The following CUL7 variants were observed in gnomAD, a reference collection of about 807,000 sequenced individuals.
The protein encoded by CUL7 is cullin-7.
In CUL7, 96 loss-of-function variants were observed where a neutral mutation model predicts 177.7. The observed-to-expected ratio is 0.54, with a 90% CI of 0.46 to 0.64. CUL7 has a LOEUF of 0.64. Among genes scored for constraint, CUL7 ranks in the 30% least tolerant of loss-of-function variants. The pLI, the probability that CUL7 is intolerant of heterozygous loss-of-function variation, is 0.00. For synonymous variants in CUL7, 824 were observed against 890.2 expected (o/e 0.93, Z 1.32); for missense variants, 1,893 against 2,187.9 (o/e 0.87, Z 2.69).
chr6:43,052,885 G>A lies in CUL7; in HGVS notation c.-8-89C>T. On this transcript the variant is annotated intron_variant, in intron 1 of 25. Transcript: ENST00000265348. The surrounding 1 kb of genome is among the most constrained non-coding windows in gnomAD (Gnocchi z 4.5). ...TATCCAGGAGGTGGGGAAGCAAATG[G>A]CAACAGCTGTCAGGCGGGGTGGGGT... The A allele has an allele frequency of 7.3e-7, 1 of 1,378,698 alleles. No homozygotes were observed. Among genetic ancestry groups the A allele is most frequent in the South Asian group, 1.2e-5 (1 of 80,978 alleles). 85.4% of individuals were successfully genotyped at this position (1,378,698 alleles called of 1,614,324 possible). A position where few individuals can be genotyped will look rare whatever the true frequency, so the allele number is the denominator to read the frequency against.
chr6:43,052,802 G>A lies in CUL7; in HGVS notation c.-8-6C>T. 1 of 1,601,252 alleles carries A rather than the reference G, an allele frequency of 6.2e-7. No homozygotes were observed. Among genetic ancestry groups the A allele is most frequent in the Non-Finnish European group, 8.5e-7 (1 of 1,179,628 alleles). On this transcript the variant is annotated splice_polypyrimidine_tract_variant and splice_region_variant and intron_variant, in intron 1 of 25. Transcript: ENST00000265348. This position sits in a 1 kb window ranked among gnomAD's most constrained non-coding sequence, Gnocchi z 4.5. ...TTCTCCCACCATCCTGGCACCTGGA[G>A]CACACAAGGAAAAGAGAACAGACAA...
chr6:43,043,431 G>A lies in CUL7; in HGVS notation c.3355+17C>T. 1.2e-6 allele frequency: 2 copies of A among 1,612,868 alleles called. No homozygotes were observed. Among genetic ancestry groups the A allele is most frequent in the South Asian group, 2.2e-5 (2 of 91,016 alleles). ...CGCTCCTGACTAGAGCTCCCCACCTGAATCTCCACTACTCACTGGGCCGAG... is the reference window on the plus strand; with the variant it reads ...CGCTCCTGACTAGAGCTCCCCACCTAAATCTCCACTACTCACTGGGCCGAG... On this transcript the variant is annotated intron_variant, in intron 17 of 25. Coordinates refer to ENST00000265348, the MANE Select transcript of CUL7 (RefSeq NM_014780.5). The surrounding 1 kb of genome is among the most constrained non-coding windows in gnomAD (Gnocchi z 4.2).
intron 22 of CUL7, among the ~76,000 whole-genome samples, chr6:43,039,735 CTTTTT>C (rs763879172): frequency 0.011 from 1,067 of 94,836 alleles, 2 homozygotes; most frequent in Middle Eastern, 0.027. Flanking sequence ...AAGACCAACT[CTTTTT>C]TTTTTTTTTT....
At position 43,050,313 on chromosome 6, in the gene CUL7, A is replaced by G; in HGVS notation, c.1319T>C (p.Met440Thr). ...CCCTTGGTACTCATCAGCCTCAACCATGTCCTCAATGTCTTCCTCAAAGCC... is the reference window on the plus strand; with the variant it reads ...CCCTTGGTACTCATCAGCCTCAACCGTGTCCTCAATGTCTTCCTCAAAGCC... ...ILGFEEDIED[M>T]VEADEYQGAV... is the part of the protein sequence containing the mutation. The change falls in exon 5 of 26, where the codon ATG becomes ACG. Residue 440 changes from methionine (M) to threonine (T), a missense_variant. By Grantham distance (81) the Met-to-Thr change is moderately conservative. Coordinates refer to ENST00000265348, the MANE Select transcript of CUL7 (RefSeq NM_014780.5). This position sits in a 1 kb window ranked among gnomAD's most constrained non-coding sequence, Gnocchi z 4.1. 1 of 1,614,090 alleles carries G rather than the reference A, an allele frequency of 6.2e-7. No individual in the cohort carries two copies. The highest frequency in any genetic ancestry group is 8.5e-7 in the Non-Finnish European group (1 of 1,180,014).
chr6:43,044,839 G>A lies in CUL7; in HGVS notation c.3085C>T (p.Leu1029Phe). 6.2e-7 allele frequency: 1 copy of A among 1,613,974 alleles called. No individual in the cohort carries two copies. ...RQEQNFADRF[L>F]PDDEAAQALG... ...GCTTGGGCAGCCTCGTCATCAGGGA[G>A]GAAGCGGTCAGCAAAATTCTGCTCC... The change falls in exon 16 of 26, where the codon CTC becomes TTC. Residue 1029 changes from leucine (L) to phenylalanine (F), a missense_variant. Physicochemically the swap from Leu to Phe is conservative, Grantham distance 22 (BLOSUM62 0). Transcript: ENST00000265348.
rs1764658979 is a variant in CUL7 at position 43,053,678 on chromosome 6, C to T, written c.-65G>A. On this transcript the variant is annotated 5_prime_UTR_variant, in exon 1 of 26. Coordinates refer to ENST00000265348, the MANE Select transcript of CUL7 (RefSeq NM_014780.5). The surrounding 1 kb of genome is among the most constrained non-coding windows in gnomAD (Gnocchi z 4.1). ...CCTGTCCTTCACAGAGCAAGGGACG[C>T]GGCACAGACGCTGGCGGCGACTTGG... The T allele has an allele frequency of 2.1e-6, 3 of 1,410,498 alleles. No individual in the cohort carries two copies. The highest frequency in any genetic ancestry group is 3.0e-5 in the Admixed American group (1 of 33,206). The allele number at this position is 1,410,498 out of a possible 1,614,324, so 87.4% of individuals were successfully genotyped here.
chr6:43,053,770 G>A lies in CUL7; in HGVS notation c.-157C>T. On this transcript the variant is annotated 5_prime_UTR_variant, in exon 1 of 26. Transcript: ENST00000265348. The surrounding 1 kb of genome is among the most constrained non-coding windows in gnomAD (Gnocchi z 4.1). ...GGAGGGGGCGTGCCTCCGCGGAACA[G>A]AGCTGCACCCGCGTGAGTCGGCAGC... 2.6e-6 allele frequency: 4 copies of A among 1,530,576 alleles called. No individual in the cohort carries two copies. The highest frequency in any genetic ancestry group is 2.5e-5 in the East Asian group (1 of 40,672). 94.8% of individuals were successfully genotyped at this position (1,530,576 alleles called of 1,614,324 possible).
chr6:43,053,619 C>T lies in CUL7; in HGVS notation c.-9+3G>A, dbSNP rs190140302. 1 of 1,361,090 alleles carries T rather than the reference C, an allele frequency of 7.3e-7. No homozygotes were observed. Among genetic ancestry groups the T allele is most frequent in the Non-Finnish European group, 9.4e-7 (1 of 1,061,010 alleles). 84.3% of individuals were successfully genotyped at this position (1,361,090 alleles called of 1,614,324 possible). ...CAAGGGGCCGCGGTGGGGCTCTGGC[C>T]ACCTCAGAAGTCCACCGGGGTCCTG... On this transcript the variant is annotated splice_donor_region_variant and intron_variant, in intron 1 of 25. Transcript: ENST00000265348. The surrounding 1 kb of genome is among the most constrained non-coding windows in gnomAD (Gnocchi z 4.1).
intron 10 of CUL7, 122 bp from the exon 11 acceptor site, chr6:43,046,723 C>G: frequency 6.8e-7 from 1 of 1,468,756 alleles, no homozygotes. Context: ...ACCAGCAGAG[C>G]AGGCCCAGAT....
At position 43,048,439 on chromosome 6, in the gene CUL7, G is replaced by A. The variant is rs903315651; in HGVS notation, c.1956C>T (p.Val652=). Residue 652 remains valine (V), a synonymous_variant, in exon 8 of 26, where the codon GTC becomes GTT. Transcript: ENST00000265348. The part of the protein sequence containing the change: ...LSSEGTQENK[V]KPLLLQLQRQ... ...GCTGCAGCTGCAGCAGGAGTGGCTT[G>A]ACCTTGTTCTCCTGGGTCCCCTCTG... 1.2e-6 allele frequency: 2 copies of A among 1,613,770 alleles called. No homozygotes were observed. Among genetic ancestry groups the A allele is most frequent in the East Asian group, 4.5e-5 (2 of 44,886 alleles).
chr6:43,045,548 CCCCCTA>C lies in CUL7; in HGVS notation c.2862+33_2862+38del. ...ATCTGCCTGTTTATGGGGCTCAGAG[CCCCCTA>C]CCCAGGGCCACACCCCACATCCCTG... On this transcript the variant is annotated intron_variant, in intron 14 of 25. Coordinates refer to ENST00000265348, the MANE Select transcript of CUL7 (RefSeq NM_014780.5). The surrounding 1 kb of genome is among the most constrained non-coding windows in gnomAD (Gnocchi z 4.8). 6.2e-7 allele frequency: 1 copy of C among 1,613,390 alleles called. No individual in the cohort carries two copies. Among genetic ancestry groups the C allele is most frequent in the Non-Finnish European group, 8.5e-7 (1 of 1,179,532 alleles).
Position 43,038,864 on chromosome 6 carries a change from A to G in CUL7, c.4418T>C (p.Leu1473Pro). ...LHVSTVQMWL[L>P]LYLNDLKAVS... ...CACCTTCAGGTCGTTGAGATACAGC[A>G]GTAGCCACATCTGCACGGTGGACAC... The change falls in exon 23 of 26, where the codon CTG becomes CCG. Residue 1473 changes from leucine (L) to proline (P), a missense_variant. This residue lies in a region of CUL7 where 16 missense variants were observed against 40.0 expected (regional missense o/e 0.40). Coordinates refer to ENST00000265348, the MANE Select transcript of CUL7 (RefSeq NM_014780.5). 1 of 1,614,190 alleles carries G rather than the reference A, an allele frequency of 6.2e-7. No homozygotes were observed. The highest frequency in any genetic ancestry group is 1.1e-5 in the South Asian group (1 of 91,086).
Position 43,044,842 on chromosome 6 carries a change from A to C in CUL7, c.3082T>G (p.Phe1028Val), listed in dbSNP as rs761745610. The C allele has an allele frequency of 1.9e-6, 3 of 1,613,916 alleles. No homozygotes were observed. The highest frequency in any genetic ancestry group is 2.2e-5 in the East Asian group (1 of 44,880). ...LRQEQNFADRFLPDDEAAQAL... is the reference protein window; with the variant it reads ...LRQEQNFADRVLPDDEAAQAL... ...TGGGCAGCCTCGTCATCAGGGAGGAAGCGGTCAGCAAAATTCTGCTCCTGG... is the reference window on the plus strand; with the variant it reads ...TGGGCAGCCTCGTCATCAGGGAGGACGCGGTCAGCAAAATTCTGCTCCTGG... Residue 1028 changes from phenylalanine to valine, a missense_variant, in exon 16 of 26, where the codon TTC becomes GTC. Around this residue, in one of 5 missense-constraint regions of CUL7, gnomAD observed 973 missense variants for 1,140.9 expected, o/e 0.85. Transcript: ENST00000265348.
Position 43,040,517 on chromosome 6 carries a change from C to T in CUL7, c.4023+13G>A. On this transcript the variant is annotated intron_variant, in intron 21 of 25. Coordinates refer to ENST00000265348, the MANE Select transcript of CUL7 (RefSeq NM_014780.5). The surrounding 1 kb of genome is among the most constrained non-coding windows in gnomAD (Gnocchi z 4.2). ...CTACCCTCTTATTTGCTTATCCCTT[C>T]CAAGGCACTCACCTGTATTTTCTTC... 6.2e-7 allele frequency: 1 copy of T among 1,613,862 alleles called. No individual in the cohort carries two copies.
At chr6:43,044,130 C>A (rs1017767414) in intron 16 of CUL7, among the ~76,000 whole-genome samples, 6 of 152,078 alleles carry the variant, frequency 3.9e-5, no homozygotes, top group Non-Finnish European at 8.8e-5. Context: ...CGAGACCAGC[C>A]TGACCAACAT....
Position 43,047,065 on chromosome 6 carries a change from C to T in CUL7, c.2212G>A (p.Val738Met). 6.2e-7 allele frequency: 1 copy of T among 1,613,544 alleles called. No individual in the cohort carries two copies. The change falls in exon 10 of 26, where the codon GTG (valine) becomes ATG (methionine). Residue 738 changes from valine (V) to methionine (M), a missense_variant. By Grantham distance (21) the Val-to-Met change is conservative. Around this residue, in one of 5 missense-constraint regions of CUL7, gnomAD observed 973 missense variants for 1,140.9 expected, o/e 0.85. Coordinates refer to ENST00000265348, the MANE Select transcript of CUL7 (RefSeq NM_014780.5). ...AGCACCACGGCATAGTCCCTGCTCA[C>T]TGAGGTCAGGCGGTGCAGGAAGAAA... ...LIFFLHRLTS[V>M]SRDYAVVLNQ...
Position 43,043,326 on chromosome 6 carries a change from G to T in CUL7, c.3355+122C>A. On this transcript the variant is annotated intron_variant, in intron 17 of 25. Coordinates refer to ENST00000265348, the MANE Select transcript of CUL7 (RefSeq NM_014780.5). This position sits in a 1 kb window ranked among gnomAD's most constrained non-coding sequence, Gnocchi z 4.2. ...GGATGGAGGTGACACAAACCTGGAA[G>T]ATGAACAGGCTGAGCCCATAGGGAG... 1.6e-6 allele frequency: 2 copies of T among 1,227,994 alleles called. No individual in the cohort carries two copies. The highest frequency in any genetic ancestry group is 1.3e-5 in the South Asian group (1 of 79,816). The allele number at this position is 1,227,994 out of a possible 1,614,324, so 76.1% of individuals were successfully genotyped here. A position where few individuals can be genotyped will look rare whatever the true frequency, so the allele number is the denominator to read the frequency against.
In CUL7 at chr6:43,038,395, A is replaced by G. The variant is rs1434405684; in HGVS notation, c.4645T>C (p.Tyr1549His). The change falls in exon 25 of 26, where the codon TAC becomes CAC. Residue 1549 changes from tyrosine (Y) to histidine (H), a missense_variant. By Grantham distance (83) the Tyr-to-His change is moderately conservative (BLOSUM62 2). This residue lies in a region of CUL7 where 248 missense variants were observed against 262.5 expected (regional missense o/e 0.94). Coordinates refer to ENST00000265348, the MANE Select transcript of CUL7 (RefSeq NM_014780.5). ...CCGTCTTCACCCTCAGCTTGCAGGT[A>G]CGTCTGAGGTGGGATGAGCCGCACA... ...DIVRLIPPQT[Y>H]LQAEGEDGQN... is the part of the protein sequence containing the mutation. The G allele has an allele frequency of 6.2e-6, 10 of 1,614,048 alleles. No individual in the cohort carries two copies. The Admixed American group carries it at 6.7e-5, about 11-fold the overall frequency.
chr6:43,047,760 A>G (rs1000719220), intron 9 of CUL7, among the ~76,000 whole-genome samples: 2 of 152,168 alleles, frequency 1.3e-5, no homozygotes, highest in Non-Finnish European at 2.9e-5. Flanking sequence ...GTTTTATGTA[A>G]TAATATCTCC....
Sources: allele counts gnomAD v4.1 joint callset (sites outside exome capture counted in the v4.1 genomes callset), GRCh38; gene constraint gnomAD v4.1.1; regional missense constraint gnomAD v4.1.1; non-coding constraint Gnocchi (gnomAD v3.1); transcripts MANE v1.5; gene names NCBI Gene and HGNC (gene_info 2026-07-23, HGNC 2026-07-21).